Variants in PGLYRP3 observed in about 807,000 individuals in gnomAD.
PGLYRP3 encodes the protein peptidoglycan recognition protein 3, also known as peptidoglycan recognition protein I alpha.
A neutral mutation model predicts 36.0 loss-of-function variants in PGLYRP3; 39 were observed. The ratio of observed to expected loss-of-function variants is 1.08; its 90% CI spans 0.84 to 1.41. PGLYRP3 has a LOEUF of 1.41. PGLYRP3 is among the 40% of genes most tolerant of loss of function. The pLI, the probability that PGLYRP3 is intolerant of heterozygous loss-of-function variation, is 0.00. For missense variants in PGLYRP3, 407 were observed against 427.9 expected (o/e 0.95, Z 0.43); for synonymous variants, 204 against 172.8 (o/e 1.18, Z -1.42).
rs1030767593 is a variant in PGLYRP3, at chr1:153,312,794, C to T, written c.-193G>A. On this transcript the variant is annotated 5_prime_UTR_variant, in exon 1 of 8. Coordinates refer to ENST00000683862, the MANE Select transcript of PGLYRP3 (RefSeq NM_052891.3). ...CCTCAGGCCTTCACTCCCCCTGGCC[C>T]TAGAGGGCACTCCCTCCCTGGGAAT... Among the ~76,000 whole-genome samples, 1 of 152,198 alleles carries T rather than the reference C, an allele frequency of 6.6e-6. No individual in the cohort carries two copies. The highest frequency in any genetic ancestry group is 1.5e-5 in the Non-Finnish European group (1 of 68,034).
At chr1:153,298,226 C>T (rs1659490839) in intron 7 of PGLYRP3, 92 bp from the exon 8 acceptor site, 1 of 1,380,144 alleles carries the variant, frequency 7.2e-7, no homozygotes, top group Non-Finnish European at 1.0e-6. Context: ...TTCTTTCTTC[C>T]TCCACCACGC....
chr1:153,302,476 G>A lies in PGLYRP3; in HGVS notation c.661C>T (p.Gln221Ter). 6.2e-7 allele frequency: 1 copy of A among 1,614,182 alleles called. No homozygotes were observed. The highest frequency in any genetic ancestry group is 8.5e-7 in the Non-Finnish European group (1 of 1,180,040). Reference sequence around the variant, plus strand: ...GACTGTATGTTTCGGACGACAGTCTGGCAGTCTGTGGATACAGTGCAGCTT... The same window carrying A: ...GACTGTATGTTTCGGACGACAGTCTAGCAGTCTGTGGATACAGTGCAGCTT... ...GTSCTVSTDCQTVVRNIQSFH... is the reference protein window; with the variant it reads ...GTSCTVSTDC The change falls in exon 6 of 8, where the codon CAG becomes TAG. Residue 221 changes from glutamine to a stop codon, truncating the protein, a stop_gained. Coordinates refer to ENST00000683862, the MANE Select transcript of PGLYRP3 (RefSeq NM_052891.3). LOFTEE classifies it high-confidence loss of function.
chr1:153,297,565 G>GAA lies in PGLYRP3; in HGVS notation c.*389_*390dup, dbSNP rs1283732541. Among the ~76,000 whole-genome samples, 2,913 of 60,412 alleles carry GAA rather than the reference G, an allele frequency of 0.048. 58 individuals are homozygous for GAA. Among genetic ancestry groups the GAA allele is most frequent in the Non-Finnish European group, 0.052 (1,383 of 26,622 alleles). 39.6% of individuals were successfully genotyped at this position (60,412 alleles called of 152,430 possible). A position where few individuals can be genotyped will look rare whatever the true frequency, so the allele number is the denominator to read the frequency against. On this transcript the variant is annotated 3_prime_UTR_variant, in exon 8 of 8. Coordinates refer to ENST00000683862, the MANE Select transcript of PGLYRP3 (RefSeq NM_052891.3). ...AAGGAAGGAAGGAAAGAAAGAAAAA[G>GAA]AAAGAAAGAAAGAAAGAAGAAAGAA...
chr1:153,311,801 T>C (rs116615483), intron 1 of PGLYRP3, among the ~76,000 whole-genome samples: 5,558 of 152,314 alleles, frequency 0.036, 157 homozygotes, highest in Non-Finnish European at 0.057. Context: ...TTTAAAACCA[T>C]GTCTTAAGAG....
intron 3 of PGLYRP3, 123 bp downstream of exon 3, chr1:153,306,943 A>T (rs950525049): frequency 1.0e-5 from 10 of 957,792 alleles, no homozygotes; most frequent in Admixed American, 2.3e-5. Flanking sequence ...CCCTTTTACC[A>T]TTTCTATTCA....
intron 3 of PGLYRP3, among the ~76,000 whole-genome samples, chr1:153,306,310 C>G (rs1472116240): frequency 6.6e-6 from 1 of 152,262 alleles, no homozygotes; most frequent in African/African-American, 2.4e-5. Flanking sequence ...TTCCCACTCT[C>G]TCTTTCCCTC....
chr1:153,305,190 T>C (rs1659710948), intron 3 of PGLYRP3, 125 bp from the exon 4 acceptor site: 3 of 649,016 alleles, frequency 4.6e-6, no homozygotes, highest in Non-Finnish European at 7.8e-6. Flanking sequence ...AACAAAACAA[T>C]AGGAGGTGCA....
At chr1:153,312,494 T>C (rs1659918647) in intron 1 of PGLYRP3, among the ~76,000 whole-genome samples, 149 bp downstream of exon 1, 1 of 152,090 alleles carries the variant, frequency 6.6e-6, no homozygotes, top group Non-Finnish European at 1.5e-5. Flanking sequence ...ATTTTCTTAT[T>C]TGGAGAAAGA....
chr1:153,302,016 T>TAACA (rs1455030202), intron 6 of PGLYRP3, among the ~76,000 whole-genome samples: 1 of 152,218 alleles, frequency 6.6e-6, no homozygotes, highest in African/African-American at 2.4e-5. Flanking sequence ...AGCAGGATTC[T>TAACA]AACATCGGAG....
chr1:153,305,200 A>G (rs2101519855), intron 3 of PGLYRP3, 135 bp from the exon 4 acceptor site: 1 of 617,442 alleles, frequency 1.6e-6, no homozygotes, highest in Non-Finnish European at 2.8e-6. Flanking sequence ...TAGGAGGTGC[A>G]GAATAACCAG....
At chr1:153,308,969 C>A (rs1179307444) in intron 2 of PGLYRP3, among the ~76,000 whole-genome samples, 1 of 149,808 alleles carries the variant, frequency 6.7e-6, no homozygotes, top group Non-Finnish European at 1.5e-5. Context: ...GTGTCCCATA[C>A]CAAGACAGTT....
chr1:153,304,528 T>C (rs1377843418), intron 4 of PGLYRP3, among the ~76,000 whole-genome samples: 1 of 152,200 alleles, frequency 6.6e-6, no homozygotes, highest in Non-Finnish European at 1.5e-5. Flanking sequence ...CTTTTCTCTA[T>C]TTTTCTAGGG....
intron 2 of PGLYRP3, among the ~76,000 whole-genome samples, chr1:153,307,676 C>A (rs192573844): frequency 2.8e-4 from 42 of 152,292 alleles, no homozygotes; most frequent in Admixed American, 2.3e-3. Flanking sequence ...TTGCCCTGGT[C>A]TCAACTGTGT....
Position 153,302,430 on chromosome 1 carries a change from T to G in PGLYRP3, c.707A>C (p.Asn236Thr). The change falls in exon 6 of 8, where the codon AAC becomes ACC. Residue 236 changes from asparagine (N) to threonine (T), a missense_variant. Transcript: ENST00000683862. ...NIQSFHMDTR[N>T]FCDIGYHFLV... ...TTACTGATATCCAATGTCACAAAAGTTCCGTGTGTCCATGTGAAAGGACTG... is the reference window on the plus strand; with the variant it reads ...TTACTGATATCCAATGTCACAAAAGGTCCGTGTGTCCATGTGAAAGGACTG... The G allele has an allele frequency of 6.2e-7, 1 of 1,614,184 alleles. No individual in the cohort carries two copies. Among genetic ancestry groups the G allele is most frequent in the Non-Finnish European group, 8.5e-7 (1 of 1,180,028 alleles).
Position 153,297,557 on chromosome 1 carries a change from AAGAAAAAG to A in PGLYRP3, c.*391_*398del, listed in dbSNP as rs202072267. Among the ~76,000 whole-genome samples the A allele has an allele frequency of 1.9e-3, 161 of 82,756 alleles. 1 individual carries two copies. The highest frequency in any genetic ancestry group is 3.5e-3 in the African/African-American group (73 of 21,026). The allele number at this position is 82,756 out of a possible 152,430, so 54.3% of individuals were successfully genotyped here. ...AAGGAAGGAAGGAAGGAAGGAAAGA[AAGAAAAAG>A]AAAGAAAGAAAGAAAGAAGAAAGAA... On this transcript the variant is annotated 3_prime_UTR_variant, in exon 8 of 8. Transcript: ENST00000683862.
At chr1:153,307,328 G>A (rs911456213) in intron 2 of PGLYRP3, 61 bp from the exon 3 acceptor site, 22 of 1,492,032 alleles carry the variant, frequency 1.5e-5, no homozygotes, top group Non-Finnish European at 1.7e-5. Context: ...CCAACAGGTC[G>A]ACCATGTGCC....
intron 2 of PGLYRP3, among the ~76,000 whole-genome samples, chr1:153,307,598 G>A (rs1054193322): frequency 1.3e-4 from 20 of 152,008 alleles, no homozygotes; most frequent in East Asian, 9.7e-4. Context: ...CAACCCCGCC[G>A]CCCACCCTGG....
In PGLYRP3 at chr1:153,305,010, C is replaced by T; in HGVS notation, c.313G>A (p.Gly105Ser). 6.2e-7 allele frequency: 1 copy of T among 1,613,856 alleles called. No homozygotes were observed. The highest frequency in any genetic ancestry group is 1.1e-5 in the South Asian group (1 of 91,052). The change falls in exon 4 of 8, where the codon GGC becomes AGC. Residue 105 changes from glycine (G) to serine (S), a missense_variant. Gly to Ser is a moderately conservative substitution (Grantham distance 56). Coordinates refer to ENST00000683862, the MANE Select transcript of PGLYRP3 (RefSeq NM_052891.3). ...VYEGVGWNIQGLHTQGYNNIS... is the reference protein window; with the variant it reads ...VYEGVGWNIQSLHTQGYNNIS... ...TTGTTGTAGCCCTGGGTGTGCAAGC[C>T]TTGGATGTTCCAGCCAACACCTTCA...
intron 1 of PGLYRP3, among the ~76,000 whole-genome samples, chr1:153,311,732 A>T (rs571829825): frequency 1.6e-4 from 25 of 152,338 alleles, no homozygotes; most frequent in African/African-American, 6.0e-4. Context: ...ACCAAATGGG[A>T]TAGATCATTG....
Sources: allele counts gnomAD v4.1 joint callset (sites outside exome capture counted in the v4.1 genomes callset), GRCh38; gene constraint gnomAD v4.1.1; transcripts MANE v1.5; gene names NCBI Gene and HGNC (gene_info 2026-07-23, HGNC 2026-07-21).